SEC23A: variants seen among roughly 807,000 people sequenced by gnomAD.
The protein encoded by SEC23A is SEC23 homolog A, COPII component.
Under a neutral mutation model 103.7 loss-of-function variants are expected in SEC23A, and 56 were observed. The observed-to-expected ratio is 0.54, with a 90% CI of 0.44 to 0.67. SEC23A has a LOEUF of 0.67. SEC23A is among the 30% of genes least tolerant of loss of function. The pLI is 0.00. For missense variants in SEC23A, 784 were observed against 936.4 expected (o/e 0.84, Z 2.12); for synonymous variants, 281 against 293.0 (o/e 0.96, Z 0.42).
chr14:39,068,399 A>T (rs1886743782), intron 9 of SEC23A, among the ~76,000 whole-genome samples: 1 of 152,186 alleles, frequency 6.6e-6, no homozygotes, highest in Non-Finnish European at 1.5e-5. Context: ...TATTCCAAAG[A>T]TACTCTAACA....
intron 1 of SEC23A, among the ~76,000 whole-genome samples, chr14:39,099,957 A>C (rs562677271): frequency 1.3e-5 from 2 of 152,254 alleles, no homozygotes; most frequent in African/African-American, 2.4e-5. Flanking sequence ...CCTCACTAAG[A>C]AAGGTTCCAG....
In SEC23A at chr14:39,078,721, G is replaced by A. The variant is rs960565779; in HGVS notation, c.829-2628C>T. Among the ~76,000 whole-genome samples, 4 of 152,158 alleles carry A rather than the reference G, an allele frequency of 2.6e-5. No individual in the cohort carries two copies. In the East Asian group the frequency reaches 7.7e-4, roughly 29 times the overall value. ...TTAAGAAAATTTTTAAAACCTCAAT[G>A]GATGGGCCAAAAAGCATGTCTGAAG... On this transcript the variant is annotated intron_variant, in intron 7 of 19. Coordinates refer to ENST00000307712, the MANE Select transcript of SEC23A (RefSeq NM_006364.4).
rs1885956854 is a variant in SEC23A, at chr14:39,049,243, C to T, written c.1660-514G>A. 2.6e-5 allele frequency among the ~76,000 whole-genome samples: 4 copies of T among 151,768 alleles called. No individual in the cohort carries two copies. In the South Asian group the frequency reaches 8.3e-4, roughly 32 times the overall value. ...CTGTAATCCCAGCACTTTGGGAGGC[C>T]AAGGCGGGCGGATCACAAGGTCAGG... On this transcript the variant is annotated intron_variant, in intron 14 of 19. Coordinates refer to ENST00000307712, the MANE Select transcript of SEC23A (RefSeq NM_006364.4).
At chr14:39,097,400 G>A (rs758991735) in intron 1 of SEC23A, among the ~76,000 whole-genome samples, 7 of 152,178 alleles carry the variant, frequency 4.6e-5, no homozygotes, top group African/African-American at 7.2e-5. Flanking sequence ...GTGAACCTAG[G>A]GTGCCTGGAA....
rs138568622 is a variant in SEC23A, at chr14:39,040,770, T to C, written c.2104A>G (p.Met702Val). ...TGTTCAGTGTCAATGTATCTTGGCA[T>C]TGGAAATCTGGAGTGAAGAATTTCC... ...AQEILHSRFP[M>V]PRYIDTEHGG... The change falls in exon 18 of 20, where the codon ATG (methionine) becomes GTG (valine). Residue 702 changes from methionine to valine, a missense_variant. This residue lies in a region of SEC23A where 101 missense variants were observed against 162.2 expected (regional missense o/e 0.62). Coordinates refer to ENST00000307712, the MANE Select transcript of SEC23A (RefSeq NM_006364.4). The C allele has an allele frequency of 4.7e-4, 760 of 1,614,212 alleles. No homozygotes were observed. Among genetic ancestry groups the C allele is most frequent in the Middle Eastern group, 8.2e-4 (5 of 6,062 alleles).
intron 5 of SEC23A, among the ~76,000 whole-genome samples, chr14:39,089,813 G>A (rs1887594664): frequency 1.3e-5 from 2 of 152,236 alleles, no homozygotes; most frequent in African/African-American, 2.4e-5. Context: ...AAAATTAGCT[G>A]GGCATGATGG....
chr14:39,083,062 T>C (rs1887281774), intron 7 of SEC23A, among the ~76,000 whole-genome samples: 1 of 152,194 alleles, frequency 6.6e-6, no homozygotes, highest in African/African-American at 2.4e-5. Flanking sequence ...TTTTAATAGT[T>C]TTATATTGTG....
chr14:39,047,534 G>T, intron 15 of SEC23A: 2 of 425,150 alleles, frequency 4.7e-6, no homozygotes, highest in Non-Finnish European at 7.4e-6. Flanking sequence ...GAGCAGCTCT[G>T]AAAAAGAAAG....
In SEC23A at chr14:39,032,298, A is replaced by G. The variant is rs969413997; in HGVS notation, c.*941T>C. ...GCAAACATTATATAATACTGTTTCA[A>G]TAAGAACCACAACTTAATACATTTC... On this transcript the variant is annotated 3_prime_UTR_variant, in exon 20 of 20. Transcript: ENST00000307712. 3.3e-5 allele frequency: 5 copies of G among 152,670 alleles called. No homozygotes were observed. The highest frequency in any genetic ancestry group is 5.9e-5 in the Non-Finnish European group (4 of 68,032). 9.5% of individuals were successfully genotyped at this position (152,670 alleles called of 1,614,324 possible).
At chr14:39,054,617 A>AC (rs950182266) in intron 14 of SEC23A, among the ~76,000 whole-genome samples, 2 of 151,900 alleles carry the variant, frequency 1.3e-5, no homozygotes, top group Non-Finnish European at 2.9e-5. Flanking sequence ...GACTACAGGC[A>AC]CACAGTACCA....
chr14:39,071,212 T>C (rs1361779094), intron 9 of SEC23A, among the ~76,000 whole-genome samples: 2 of 152,134 alleles, frequency 1.3e-5, no homozygotes, highest in Non-Finnish European at 2.9e-5. Flanking sequence ...TGGCATGATG[T>C]TATATAGGGA....
At chr14:39,050,050 G>A (rs1265755858) in intron 14 of SEC23A, among the ~76,000 whole-genome samples, 1 of 152,030 alleles carries the variant, frequency 6.6e-6, no homozygotes, top group Non-Finnish European at 1.5e-5. Flanking sequence ...TTACAGGCGT[G>A]AGCCACCGTG....
At chr14:39,086,401 G>A (rs1887445898) in intron 6 of SEC23A, among the ~76,000 whole-genome samples, 1 of 152,196 alleles carries the variant, frequency 6.6e-6, no homozygotes, top group East Asian at 1.9e-4. Context: ...CACTTTGGGA[G>A]GCCGAGGAGG....
chr14:39,055,074 T>G, intron 14 of SEC23A, 69 bp downstream of exon 14: 13 of 1,578,620 alleles, frequency 8.2e-6, no homozygotes, highest in Non-Finnish European at 1.1e-5. Flanking sequence ...TGAAAGAGAT[T>G]ATCTGCAACA....
intron 15 of SEC23A, chr14:39,047,328 T>C: frequency 1.7e-6 from 2 of 1,154,852 alleles, no homozygotes; most frequent in Non-Finnish European, 2.3e-6. Flanking sequence ...TCCTATTAGT[T>C]TCTGCTACAA....
At chr14:39,066,994 T>C (rs1342504982) in intron 10 of SEC23A, among the ~76,000 whole-genome samples, 179 bp downstream of exon 10, 1 of 152,220 alleles carries the variant, frequency 6.6e-6, no homozygotes, top group Non-Finnish European at 1.5e-5. Context: ...AAGTAAAGTC[T>C]CACACATTGA....
intron 7 of SEC23A, among the ~76,000 whole-genome samples, chr14:39,081,832 T>C (rs972692132): frequency 1.3e-5 from 2 of 152,222 alleles, no homozygotes; most frequent in African/African-American, 4.8e-5. Flanking sequence ...CATATACTTA[T>C]GATTTTATAT....
chr14:39,076,626 TAGAACAACAA>T (rs1016987867), intron 7 of SEC23A, among the ~76,000 whole-genome samples: 12 of 151,078 alleles, frequency 7.9e-5, no homozygotes, highest in Non-Finnish European at 1.8e-4. Context: ...ACAAGTATCA[TAGAACAACAA>T]AAAAAAAGGC....
At chr14:39,054,125 AT>A (rs1886161258) in intron 14 of SEC23A, among the ~76,000 whole-genome samples, 1 of 151,246 alleles carries the variant, frequency 6.6e-6, no homozygotes, top group Admixed American at 6.6e-5. Flanking sequence ...AAAATTTTAA[AT>A]TTGCCAGGTG....
Sources: gnomAD v4.1 joint callset for allele counts (sites outside exome capture counted in the v4.1 genomes callset) on GRCh38, gnomAD v4.1.1 for gene constraint, gnomAD v4.1.1 regional missense constraint, MANE v1.5 for transcripts, NCBI Gene and HGNC (gene_info 2026-07-23, HGNC 2026-07-21) for gene names.